The following CYB5A variants were observed in gnomAD, a reference collection of about 807,000 sequenced individuals.
The protein encoded by CYB5A is cytochrome b5 type A, also known as cytochrome b5.
A neutral mutation model predicts 16.2 loss-of-function variants in CYB5A; 10 were observed. The ratio of observed to expected loss-of-function variants is 0.62; its 90% CI spans 0.38 to 1.04. CYB5A has a LOEUF of 1.04. CYB5A is among the 50% of genes least tolerant of loss of function. CYB5A has a pLI of 0.01. For synonymous variants in CYB5A, 62 were observed against 57.0 expected, an observed-to-expected ratio of 1.09 and a Z score of -0.40; for missense variants, 161 against 165.9, an observed-to-expected ratio of 0.97 and a Z score of 0.16.
intron 1 of CYB5A, among the ~76,000 whole-genome samples, chr18:74,291,537 G>T (rs1983541412): frequency 6.6e-6 from 1 of 150,384 alleles, no homozygotes; most frequent in African/African-American, 2.4e-5. Context: ...CAGGTGTGCG[G>T]ACTTGGGGCG....
At chr18:74,255,023 G>A (rs932375339) in intron 4 of CYB5A, among the ~76,000 whole-genome samples, 1 of 152,130 alleles carries the variant, frequency 6.6e-6, no homozygotes, top group Non-Finnish European at 1.5e-5. Context: ...TGTCTTAGTG[G>A]GGTTTGGTGG....
chr18:74,253,607 G>T lies in CYB5A; in HGVS notation c.382C>A (p.Arg128Ser), dbSNP rs570876473. The T allele has an allele frequency of 1.2e-6, 2 of 1,612,508 alleles. No homozygotes were observed. Among genetic ancestry groups the T allele is most frequent in the East Asian group, 4.5e-5 (2 of 44,844 alleles). ...GTTCAGTCCTCTGCCATGTATAGGC[G>T]ATACATCAAGGCGACGGCCACTGCA... ...ISAVAVALMY[R>S]LYMAED The change falls in exon 5 of 5, where the codon CGC (arginine) becomes AGC (serine). Residue 128 changes from arginine (R) to serine (S), a missense_variant. Physicochemically the swap from Arg to Ser is moderately radical, Grantham distance 110. Coordinates refer to ENST00000340533, the MANE Select transcript of CYB5A (RefSeq NM_148923.4).
intron 3 of CYB5A, chr18:74,258,645 C>T (rs1568214476): frequency 6.6e-6 from 1 of 152,166 alleles, no homozygotes; most frequent in Non-Finnish European, 1.5e-5. Flanking sequence ...TCCACTAAAC[C>T]AAAAGCACAA....
At chr18:74,257,237 T>C in intron 3 of CYB5A, 1 of 272,756 alleles carries the variant, frequency 3.7e-6, no homozygotes, top group Non-Finnish European at 7.0e-6. Flanking sequence ...CCTGCCCTCC[T>C]GCTGCCTTTG....
At chr18:74,283,369 A>G (rs1223307991) in intron 1 of CYB5A, among the ~76,000 whole-genome samples, 1 of 151,998 alleles carries the variant, frequency 6.6e-6, no homozygotes, top group African/African-American at 2.4e-5. Context: ...CCAAAACCAC[A>G]CCGATGATTC....
intron 1 of CYB5A, among the ~76,000 whole-genome samples, chr18:74,282,394 A>T (rs1788641): frequency 5.7e-4 from 86 of 151,638 alleles, no homozygotes; most frequent in Non-Finnish European, 1.0e-3. Flanking sequence ...ACTAGTATGC[A>T]CTGTGTATGG....
In CYB5A at chr18:74,263,395, T is replaced by A. The variant is rs762261986; in HGVS notation, c.212A>T (p.Asp71Val). 6.2e-7 allele frequency: 1 copy of A among 1,614,118 alleles called. No homozygotes were observed. Among genetic ancestry groups the A allele is most frequent in the Non-Finnish European group, 8.5e-7 (1 of 1,179,992 alleles). The change falls in exon 2 of 5, where the codon GAT becomes GTT. Residue 71 changes from aspartate to valine, a missense_variant. By Grantham distance (152) the Asp-to-Val change is radical. Coordinates refer to ENST00000340533, the MANE Select transcript of CYB5A (RefSeq NM_148923.4). ...ENFEDVGHST[D>V]AREMSKTFII... ...GAATGTTTTGGACATTTCCCTGGCA[T>A]CTGTAGAGTGCCCGACATCCTCAAA...
intron 1 of CYB5A, among the ~76,000 whole-genome samples, chr18:74,274,561 A>G (rs571609902): frequency 6.6e-6 from 1 of 152,214 alleles, no homozygotes; most frequent in African/African-American, 2.4e-5. Context: ...GCAGTCTATA[A>G]CTGTTACTTA....
At chr18:74,276,246 A>C (rs978358777) in intron 1 of CYB5A, among the ~76,000 whole-genome samples, 1 of 152,186 alleles carries the variant, frequency 6.6e-6, no homozygotes, top group Non-Finnish European at 1.5e-5. Flanking sequence ...AATGAAGCCC[A>C]GTGCCACACT....
At chr18:74,289,361 T>A (rs919672347) in intron 1 of CYB5A, among the ~76,000 whole-genome samples, 3 of 152,182 alleles carry the variant, frequency 2.0e-5, no homozygotes, top group Admixed American at 6.5e-5. Flanking sequence ...TTCCCTATTA[T>A]CGTCTCTGAA....
At chr18:74,267,568 G>A (rs555800931) in intron 1 of CYB5A, among the ~76,000 whole-genome samples, 12 of 152,304 alleles carry the variant, frequency 7.9e-5, no homozygotes, top group South Asian at 6.2e-4. Context: ...GTGTGGCAGC[G>A]GTGTTATGTC....
In CYB5A at chr18:74,253,513, G is replaced by A. The variant is rs752753995; in HGVS notation, c.*71C>T. 1 of 880,296 alleles carries A rather than the reference G, an allele frequency of 1.1e-6. No homozygotes were observed. The highest frequency in any genetic ancestry group is 1.4e-5 in the South Asian group (1 of 73,128). 54.5% of individuals were successfully genotyped at this position (880,296 alleles called of 1,614,324 possible). A position where few individuals can be genotyped will look rare whatever the true frequency, so the allele number is the denominator to read the frequency against. On this transcript the variant is annotated 3_prime_UTR_variant, in exon 5 of 5. Transcript: ENST00000340533. Reference sequence around the variant, plus strand: ...CAAGTGAAGGTTTCTGTCAGTTGAAGTAGTTAGCAATGGCTTCTTTTCTCC... The same window carrying A: ...CAAGTGAAGGTTTCTGTCAGTTGAAATAGTTAGCAATGGCTTCTTTTCTCC...
chr18:74,260,819 G>T, intron 3 of CYB5A, 96 bp downstream of exon 3: 1 of 999,218 alleles, frequency 1.0e-6, no homozygotes, highest in African/African-American at 1.6e-5. Flanking sequence ...GACCTGTGCT[G>T]GCATCAGTCA....
intron 3 of CYB5A, chr18:74,256,104 A>C: frequency 3.6e-6 from 1 of 275,314 alleles, no homozygotes; most frequent in Non-Finnish European, 6.9e-6. Flanking sequence ...GTTCACATAC[A>C]CACAATCCCA....
chr18:74,251,657 T>G lies in CYB5A; in HGVS notation c.*1927A>C, dbSNP rs1981779295. The G allele has an allele frequency of 1.3e-5, 2 of 152,176 alleles. No individual in the cohort carries two copies. Among genetic ancestry groups the G allele is most frequent in the African/African-American group, 4.8e-5 (2 of 41,444 alleles). 9.4% of individuals were successfully genotyped at this position (152,176 alleles called of 1,614,324 possible). On this transcript the variant is annotated 3_prime_UTR_variant, in exon 5 of 5. Transcript: ENST00000340533. ...CAGCCTCTGAAGTCTCTCACCTCTC[T>G]GAAGGGAAAGCAATAGAGAAAAAAG... is the stretch of plus-strand genomic sequence containing the variant.
intron 1 of CYB5A, among the ~76,000 whole-genome samples, chr18:74,275,343 A>G (rs915041004): frequency 3.9e-5 from 6 of 152,194 alleles, no homozygotes; most frequent in African/African-American, 1.4e-4. Context: ...AGAATCTTCC[A>G]GAAGTCTTCC....
intron 1 of CYB5A, among the ~76,000 whole-genome samples, chr18:74,284,180 C>T (rs1475271104): frequency 2.8e-5 from 4 of 143,432 alleles, no homozygotes; most frequent in Non-Finnish European, 4.5e-5. Flanking sequence ...TGCAGTGAGC[C>T]GAGATTGCAC....
At chr18:74,264,125 C>T (rs867113230) in intron 1 of CYB5A, among the ~76,000 whole-genome samples, 28 of 151,084 alleles carry the variant, frequency 1.9e-4, no homozygotes, top group African/African-American at 6.6e-4. Flanking sequence ...TCTTGAGAAT[C>T]GCTTGAATCC....
In CYB5A at chr18:74,260,942, A is replaced by T. The variant is rs1413159084; in HGVS notation, c.261T>A (p.Asp87Glu). 1 of 1,611,760 alleles carries T rather than the reference A, an allele frequency of 6.2e-7. No homozygotes were observed. The highest frequency in any genetic ancestry group is 8.5e-7 in the Non-Finnish European group (1 of 1,178,030). ...KTFIIGELHP[D>E]DRPKLNKPPE... ...GAGGCTTGTTTAACTTTGGTCTGTC[A>T]TCCTGCAATGAAAAGATAAGGCACA... Residue 87 changes from aspartate to glutamate, a missense_variant and splice_region_variant, in exon 3 of 5, where the codon GAT (aspartate) becomes GAA (glutamate). By Grantham distance (45) the Asp-to-Glu change is conservative (BLOSUM62 2). Transcript: ENST00000340533.
Sources: allele counts gnomAD v4.1 joint callset (sites outside exome capture counted in the v4.1 genomes callset), GRCh38; gene constraint gnomAD v4.1.1; transcripts MANE v1.5; gene names NCBI Gene and HGNC (gene_info 2026-07-23, HGNC 2026-07-21).